SLC35F1: variants seen among roughly 807,000 people sequenced by gnomAD.
SLC35F1 encodes the protein solute carrier family 35 member F1, also known as chromosome 6 open reading frame 169.
SLC35F1 carries 14 observed loss-of-function variants against 48.7 expected under a neutral mutation model. That is an observed-to-expected ratio of 0.29 (90% CI 0.19 to 0.45). SLC35F1 has a LOEUF of 0.45. SLC35F1 is among the 20% of genes least tolerant of loss of function. SLC35F1 has a pLI of 1.00. For synonymous variants in SLC35F1, 190 were observed against 202.2 expected (o/e 0.94, Z 0.51); for missense variants, 404 against 500.0 (o/e 0.81, Z 1.83).
chr6:118,064,116 A>T (rs930971323), intron 1 of SLC35F1, among the ~76,000 whole-genome samples: 1 of 152,130 alleles, frequency 6.6e-6, no homozygotes, highest in Non-Finnish European at 1.5e-5. Context: ...TCTTACATGG[A>T]TGGTAGCAGG....
intron 1 of SLC35F1, among the ~76,000 whole-genome samples, chr6:117,976,547 C>T (rs531673905): frequency 6.6e-6 from 1 of 152,018 alleles, no homozygotes; most frequent in South Asian, 2.1e-4. Flanking sequence ...TTGCAGTACA[C>T]AAGGTAATCA....
intron 2 of SLC35F1, among the ~76,000 whole-genome samples, chr6:118,200,895 G>A (rs939595899): frequency 2.4e-4 from 36 of 151,906 alleles, no homozygotes; most frequent in African/African-American, 8.7e-4. Context: ...GATTTGGTTT[G>A]GTTTTTTAGA....
chr6:117,959,281 G>A (rs572110195), intron 1 of SLC35F1, among the ~76,000 whole-genome samples: 168 of 152,246 alleles, frequency 1.1e-3, no homozygotes, highest in Admixed American at 2.1e-3. Context: ...GAGCAGGATG[G>A]GGAACTGCAA....
At chr6:118,103,183 G>T (rs1446673572) in intron 1 of SLC35F1, among the ~76,000 whole-genome samples, 1 of 152,076 alleles carries the variant, frequency 6.6e-6, no homozygotes, top group African/African-American at 2.4e-5. Context: ...AAAGTTGATG[G>T]CTAATTTGTC....
intron 7 of SLC35F1, among the ~76,000 whole-genome samples, chr6:118,307,780 A>T (rs1776329506): frequency 6.6e-6 from 1 of 152,190 alleles, no homozygotes; most frequent in Non-Finnish European, 1.5e-5. Context: ...ATAGATCAGG[A>T]CCTGGCAGAG....
intron 1 of SLC35F1, among the ~76,000 whole-genome samples, chr6:118,110,888 G>C (rs1194633958): frequency 6.6e-6 from 1 of 152,114 alleles, no homozygotes; most frequent in Non-Finnish European, 1.5e-5. Context: ...GAAGGCAAGA[G>C]GGTGCTGAAG....
chr6:117,923,504 T>C (rs200575623), intron 1 of SLC35F1, among the ~76,000 whole-genome samples: 1 of 1,496 alleles, frequency 6.7e-4, no homozygotes, highest in African/African-American at 7.9e-4. Flanking sequence ...AAAATATATA[T>C]ATACACATAC....
At chr6:118,270,331 T>A (rs1178450636) in intron 4 of SLC35F1, among the ~76,000 whole-genome samples, 3 of 152,172 alleles carry the variant, frequency 2.0e-5, no homozygotes, top group Admixed American at 6.6e-5. Flanking sequence ...AAGTACTTCA[T>A]GTACAAAATA....
At chr6:117,999,621 G>A (rs148221334) in intron 1 of SLC35F1, among the ~76,000 whole-genome samples, 2,709 of 150,566 alleles carry the variant, frequency 0.018, 32 homozygotes, top group East Asian at 0.032. Context: ...AGGAAATAGA[G>A]ACCCAAAAAA....
chr6:118,066,276 T>C (rs1313094520), intron 1 of SLC35F1, among the ~76,000 whole-genome samples: 2 of 152,156 alleles, frequency 1.3e-5, no homozygotes, highest in African/African-American at 4.8e-5. Context: ...AAAAACCAAA[T>C]CTCTATTATG....
At chr6:118,075,270 C>T (rs1772802004) in intron 1 of SLC35F1, among the ~76,000 whole-genome samples, 1 of 152,188 alleles carries the variant, frequency 6.6e-6, no homozygotes. Flanking sequence ...TTAGTTTCTT[C>T]AGTAATTTTT....
intron 1 of SLC35F1, among the ~76,000 whole-genome samples, chr6:117,951,981 T>G (rs1235309514): frequency 1.3e-5 from 2 of 152,352 alleles, no homozygotes; most frequent in East Asian, 1.9e-4. Flanking sequence ...CTGGAGTGAA[T>G]GCTGCCTGAG....
intron 1 of SLC35F1, among the ~76,000 whole-genome samples, chr6:117,924,417 A>G (rs1463583395): frequency 8.3e-6 from 1 of 120,922 alleles, no homozygotes; most frequent in South Asian, 2.3e-4. Context: ...GCATATGTAT[A>G]TATACACATA....
At position 118,154,539 on chromosome 6, in the gene SLC35F1, G is replaced by A. The variant is rs752558083; in HGVS notation, c.268G>A (p.Ala90Thr). The stretch of plus-strand genomic sequence containing the variant: ...CAAGTATCTGTCAGAAGATTTCCAC[G>A]CCAACACACCAGTCTTCCAGAGTTT... ...TSKYLSEDFH[A>T]NTPVFQSFLN... Residue 90 changes from alanine (A) to threonine (T), a missense_variant, in exon 2 of 8, where the codon GCC becomes ACC. Around this residue, in one of 2 missense-constraint regions of SLC35F1, gnomAD observed 306 missense variants for 419.1 expected, o/e 0.73. Coordinates refer to ENST00000360388, the MANE Select transcript of SLC35F1 (RefSeq NM_001029858.4). 2.5e-6 allele frequency: 4 copies of A among 1,613,874 alleles called. No individual in the cohort carries two copies. Among genetic ancestry groups the A allele is most frequent in the East Asian group, 2.2e-5 (1 of 44,872 alleles).
At chr6:118,016,184 T>C (rs1777318455) in intron 1 of SLC35F1, among the ~76,000 whole-genome samples, 1 of 152,180 alleles carries the variant, frequency 6.6e-6, no homozygotes, top group Non-Finnish European at 1.5e-5. Flanking sequence ...CATCTTGGAA[T>C]CGGTTTGCTG....
At chr6:118,200,316 A>G (rs1326324163) in intron 2 of SLC35F1, among the ~76,000 whole-genome samples, 2 of 152,188 alleles carry the variant, frequency 1.3e-5, no homozygotes, top group Non-Finnish European at 2.9e-5. Flanking sequence ...TTCTGAATAT[A>G]GTATGGACAA....
At position 117,907,740 on chromosome 6, in the gene SLC35F1, A is replaced by AGCAGCCGCAGCAGCAGCT; in HGVS notation, c.23_40dup (p.Gln8_Pro13dup). ...GCCTCTGCCGCGATGATCCCCCCTG[A>AGCAGCCGCAGCAGCAGCT]GCAGCCGCAGCAGCAGCTGCAGCCG... On this transcript the variant is annotated inframe_insertion, in exon 1 of 8. Coordinates refer to ENST00000360388, the MANE Select transcript of SLC35F1 (RefSeq NM_001029858.4). The AGCAGCCGCAGCAGCAGCT allele has an allele frequency of 6.5e-7, 1 of 1,538,452 alleles. No homozygotes were observed. The highest frequency in any genetic ancestry group is 8.7e-7 in the Non-Finnish European group (1 of 1,147,814).
At chr6:118,257,812 A>G (rs1775665307) in intron 3 of SLC35F1, among the ~76,000 whole-genome samples, 1 of 152,200 alleles carries the variant, frequency 6.6e-6, no homozygotes, top group African/African-American at 2.4e-5. Context: ...AAGAACAAGC[A>G]TTGCCGAGTT....
chr6:117,922,125 C>T (rs1395681938), intron 1 of SLC35F1, among the ~76,000 whole-genome samples: 1 of 152,110 alleles, frequency 6.6e-6, no homozygotes, highest in Non-Finnish European at 1.5e-5. Flanking sequence ...AAAGAAATTT[C>T]CACAGCCTGG....
Sources: gnomAD v4.1 joint callset for allele counts (sites outside exome capture counted in the v4.1 genomes callset) on GRCh38, gnomAD v4.1.1 for gene constraint, gnomAD v4.1.1 regional missense constraint, MANE v1.5 for transcripts, NCBI Gene and HGNC (gene_info 2026-07-23, HGNC 2026-07-21) for gene names.